TGFA: variants seen among roughly 807,000 people sequenced by gnomAD.
TGFA encodes the protein transforming growth factor alpha.
TGFA carries 12 observed loss-of-function variants against 21.7 expected under a neutral mutation model. That is an observed-to-expected ratio of 0.55 (90% CI 0.35 to 0.90). The LOEUF (loss-of-function observed/expected upper bound fraction) is 0.90. TGFA is among the 40% of genes least tolerant of loss of function. The pLI, the probability that TGFA is intolerant of heterozygous loss-of-function variation, is 0.01. For missense variants in TGFA, 178 were observed against 210.8 expected (o/e 0.84, Z 0.96); for synonymous variants, 79 against 88.1 (o/e 0.90, Z 0.58).
At chr2:70,473,339 C>T (rs967994088) in intron 2 of TGFA, among the ~76,000 whole-genome samples, 4 of 152,004 alleles carry the variant, frequency 2.6e-5, no homozygotes, top group Non-Finnish European at 2.9e-5. Flanking sequence ...CCAGTGGCTG[C>T]CCAGAGAGAC....
chr2:70,530,130 C>T (rs1672772811), intron 1 of TGFA, among the ~76,000 whole-genome samples: 1 of 152,178 alleles, frequency 6.6e-6, no homozygotes, highest in Admixed American at 6.5e-5. Flanking sequence ...GATTCTGTCT[C>T]CCTCAAAAAA....
intron 1 of TGFA, among the ~76,000 whole-genome samples, chr2:70,541,783 C>T (rs782418344): frequency 1.3e-4 from 20 of 152,156 alleles, no homozygotes; most frequent in Non-Finnish European, 1.8e-4. Context: ...GTTTACCTCA[C>T]ATTCCTAAAA....
intron 1 of TGFA, among the ~76,000 whole-genome samples, chr2:70,525,720 C>T (rs1335014599): frequency 3.3e-5 from 5 of 152,088 alleles, no homozygotes; most frequent in Non-Finnish European, 5.9e-5. Flanking sequence ...CTCAGATTTA[C>T]TCCCTTTCAC....
At chr2:70,473,158 T>C (rs1467164850) in intron 2 of TGFA, among the ~76,000 whole-genome samples, 7 of 152,156 alleles carry the variant, frequency 4.6e-5, no homozygotes, top group Non-Finnish European at 1.5e-5. Context: ...GATGGGAGGC[T>C]GGCTTCAGGG....
intron 2 of TGFA, among the ~76,000 whole-genome samples, chr2:70,487,384 T>A (rs2103774711): frequency 6.6e-6 from 1 of 152,348 alleles, no homozygotes; most frequent in East Asian, 1.9e-4. Flanking sequence ...TTTGAATATT[T>A]GCATATACAT....
intron 2 of TGFA, among the ~76,000 whole-genome samples, chr2:70,481,018 T>C (rs765870): frequency 6.6e-6 from 1 of 152,112 alleles, no homozygotes; most frequent in Admixed American, 6.5e-5. Flanking sequence ...AACACCAGGG[T>C]CATTTTACCT....
chr2:70,476,080 C>CAA lies in TGFA; in HGVS notation c.95-10346_95-10345dup, dbSNP rs1175233983. 6.6e-3 allele frequency among the ~76,000 whole-genome samples: 365 copies of CAA among 55,618 alleles called. 21 individuals carry two copies. Among genetic ancestry groups the CAA allele is most frequent in the African/African-American group, 0.021 (301 of 14,400 alleles). 36.5% of individuals were successfully genotyped at this position (55,618 alleles called of 152,430 possible). ...CTACCTTGGTCTTAGTAATTTTAAG[C>CAA]AAAAAAAAAAAAAAAAAAAAAAAAA... On this transcript the variant is annotated intron_variant, in intron 2 of 5. Coordinates refer to ENST00000295400, the MANE Select transcript of TGFA (RefSeq NM_003236.4).
At chr2:70,463,086 A>G (rs974156650) in intron 3 of TGFA, among the ~76,000 whole-genome samples, 3 of 152,130 alleles carry the variant, frequency 2.0e-5, no homozygotes, top group Middle Eastern at 3.2e-3. Flanking sequence ...TGGTGCTGGA[A>G]TGATGGGACT....
chr2:70,450,992 C>G, intron 5 of TGFA, 126 bp from the exon 6 acceptor site: 1 of 1,166,604 alleles, frequency 8.6e-7, no homozygotes, highest in African/African-American at 1.5e-5. Flanking sequence ...GGCAGTTAGG[C>G]CCGAGTCCAA....
At chr2:70,513,290 C>G (rs1553501181) in intron 2 of TGFA, among the ~76,000 whole-genome samples, 1 of 152,120 alleles carries the variant, frequency 6.6e-6, no homozygotes, top group African/African-American at 2.4e-5. Flanking sequence ...AAGCTTGGGG[C>G]AAGTGCATTC....
At chr2:70,481,943 G>T (rs1383637888) in intron 2 of TGFA, among the ~76,000 whole-genome samples, 2 of 152,154 alleles carry the variant, frequency 1.3e-5, no homozygotes, top group Admixed American at 6.5e-5. Context: ...TCCCAGCAAA[G>T]CCACTTCTGA....
chr2:70,537,050 C>A (rs114985293), intron 1 of TGFA, among the ~76,000 whole-genome samples: 1 of 149,136 alleles, frequency 6.7e-6, no homozygotes, highest in Non-Finnish European at 1.5e-5. Flanking sequence ...CAACAGCAAG[C>A]GCTCACTTCG....
intron 4 of TGFA, among the ~76,000 whole-genome samples, chr2:70,454,005 GAAAA>G (rs34051238): frequency 6.9e-6 from 1 of 144,576 alleles, no homozygotes; most frequent in African/African-American, 2.5e-5. Context: ...GACTTTGCAT[GAAAA>G]AAAAAAAGCC....
chr2:70,513,627 T>G (rs1381066072), intron 2 of TGFA, among the ~76,000 whole-genome samples: 4 of 152,180 alleles, frequency 2.6e-5, no homozygotes, highest in African/African-American at 9.7e-5. Flanking sequence ...CAAGGGGGAC[T>G]GGTGGGGCTG....
intron 2 of TGFA, among the ~76,000 whole-genome samples, chr2:70,468,808 C>T (rs782403727): frequency 2.8e-4 from 42 of 152,070 alleles, no homozygotes; most frequent in African/African-American, 4.1e-4. Context: ...GGGCTCCTCC[C>T]GATTCTACAT....
chr2:70,482,648 A>G (rs1304199493), intron 2 of TGFA, among the ~76,000 whole-genome samples: 1 of 152,186 alleles, frequency 6.6e-6, no homozygotes, highest in South Asian at 2.1e-4. Flanking sequence ...ACTGACTGTT[A>G]TTATAAATGT....
intron 2 of TGFA, among the ~76,000 whole-genome samples, chr2:70,503,217 A>T (rs1671790188): frequency 6.6e-6 from 1 of 152,206 alleles, no homozygotes; most frequent in African/African-American, 2.4e-5. Context: ...GATGTGGCAC[A>T]TATACACCAT....
intron 2 of TGFA, among the ~76,000 whole-genome samples, chr2:70,501,707 T>C (rs1671743634): frequency 6.6e-6 from 1 of 152,244 alleles, no homozygotes; most frequent in Non-Finnish European, 1.5e-5. Flanking sequence ...CTCCATTTAA[T>C]GAGCTAATTA....
chr2:70,503,028 G>A (rs530071752), intron 2 of TGFA, among the ~76,000 whole-genome samples: 7 of 152,248 alleles, frequency 4.6e-5, no homozygotes, highest in Admixed American at 2.0e-4. Flanking sequence ...ATTCCTCAGG[G>A]ATCTAGAACT....
Sources: gnomAD v4.1 joint callset for allele counts (sites outside exome capture counted in the v4.1 genomes callset) on GRCh38, gnomAD v4.1.1 for gene constraint, MANE v1.5 for transcripts, NCBI Gene and HGNC (gene_info 2026-07-23, HGNC 2026-07-21) for gene names.